The following GRM5 variants were observed in gnomAD, a reference collection of about 807,000 sequenced individuals.
GRM5 encodes the protein metabotropic glutamate receptor 5.
In GRM5, 19 loss-of-function variants were observed where a neutral mutation model predicts 83.1. That is an observed-to-expected ratio of 0.23 (90% CI 0.16 to 0.34). The LOEUF is 0.34. GRM5 is among the 10% of genes least tolerant of loss of function. The probability of loss-of-function intolerance (pLI) is 1.00; values close to 1 mark genes in which losing one functional copy is unlikely to be tolerated. For missense variants in GRM5, 1,160 were observed against 1,588.3 expected (o/e 0.73, Z 4.58); for synonymous variants, 675 against 633.6 (o/e 1.07, Z -0.98).
chr11:88,883,862 A>G (rs1344354606), intron 2 of GRM5, among the ~76,000 whole-genome samples: 2 of 152,188 alleles, frequency 1.3e-5, no homozygotes, highest in Admixed American at 1.3e-4. Context: ...GTGGGTGCAC[A>G]GAAGTCAAGA....
At chr11:89,061,493 A>T (rs1941991376) in intron 1 of GRM5, among the ~76,000 whole-genome samples, 1 of 152,232 alleles carries the variant, frequency 6.6e-6, no homozygotes. Context: ...TTTAGTCACA[A>T]AAGTGAGCAC....
intron 3 of GRM5, among the ~76,000 whole-genome samples, chr11:88,811,189 G>T (rs536846916): frequency 5.8e-4 from 88 of 152,142 alleles, no homozygotes; most frequent in South Asian, 1.0e-3. Context: ...ATTCAAATAC[G>T]TGTTTCCAGC....
At chr11:88,993,907 G>A (rs1448872802) in intron 2 of GRM5, among the ~76,000 whole-genome samples, 2 of 152,022 alleles carry the variant, frequency 1.3e-5, no homozygotes, top group East Asian at 1.9e-4. Flanking sequence ...ACTTTTTGTA[G>A]TTACCTCCAT....
At chr11:88,865,881 G>T (rs1051283032) in intron 2 of GRM5, among the ~76,000 whole-genome samples, 10 of 152,112 alleles carry the variant, frequency 6.6e-5, no homozygotes, top group Non-Finnish European at 8.8e-5. Flanking sequence ...CAGTTAGAAT[G>T]GTGATCATTA....
chr11:88,997,832 T>C (rs1279731072), intron 2 of GRM5, among the ~76,000 whole-genome samples: 1 of 152,094 alleles, frequency 6.6e-6, no homozygotes, highest in African/African-American at 2.4e-5. Flanking sequence ...AAAAAAGTCA[T>C]CTCCAGGCCA....
intron 8 of GRM5, among the ~76,000 whole-genome samples, chr11:88,541,796 T>C (rs549442052): frequency 1.1e-3 from 171 of 152,306 alleles, no homozygotes; most frequent in Admixed American, 1.7e-3. Flanking sequence ...TGGCTCTCTG[T>C]CCCCACTCAA....
intron 9 of GRM5, among the ~76,000 whole-genome samples, chr11:88,510,630 C>T (rs905269497): frequency 6.6e-6 from 1 of 152,238 alleles, no homozygotes; most frequent in Non-Finnish European, 1.5e-5. Flanking sequence ...GAATCTCCTG[C>T]CTCAGCTTCC....
At chr11:88,938,770 T>C (rs1339152588) in intron 2 of GRM5, among the ~76,000 whole-genome samples, 1 of 151,734 alleles carries the variant, frequency 6.6e-6, no homozygotes, top group Non-Finnish European at 1.5e-5. Context: ...TTTTAACGAA[T>C]ATTAAAATTG....
chr11:88,527,110 A>G (rs1408238527), intron 8 of GRM5, among the ~76,000 whole-genome samples: 3 of 152,196 alleles, frequency 2.0e-5, no homozygotes, highest in East Asian at 1.9e-4. Flanking sequence ...ATGATGCTCA[A>G]TGTTTCAATG....
At chr11:88,604,619 A>G in intron 5 of GRM5, 99 bp downstream of exon 5, 1 of 979,146 alleles carries the variant, frequency 1.0e-6, no homozygotes, top group Non-Finnish European at 1.5e-6. Flanking sequence ...ATTACCAGGA[A>G]ACCTAGATTA....
intron 9 of GRM5, among the ~76,000 whole-genome samples, chr11:88,518,232 A>G (rs1240752766): frequency 6.6e-6 from 1 of 152,028 alleles, no homozygotes; most frequent in African/African-American, 2.4e-5. Context: ...AAAAATAAGA[A>G]AAGATAATTA....
rs1183995537 is a variant in GRM5 at position 88,567,796 on chromosome 11, G to A, written c.1887C>T (p.Tyr629=). Residue 629 remains tyrosine (Y), a synonymous_variant, in exon 8 of 10, where the codon TAC becomes TAT. Transcript: ENST00000305447. This position sits in a 1 kb window ranked among gnomAD's most constrained non-coding sequence, Gnocchi z 7.3. ...TCGCAATGAGGCAGAAGGTACATAA[G>A]TAGCCCAGGCAGATGCCAGCAAGGA... ...YIILAGICLG[Y]LCTFCLIAKP... 3.1e-6 allele frequency: 5 copies of A among 1,614,014 alleles called. No homozygotes were observed. In the Admixed American group the frequency reaches 5.0e-5, roughly 16 times the overall value.
At chr11:89,042,855 C>T (rs1445677609) in intron 2 of GRM5, among the ~76,000 whole-genome samples, 1 of 146,772 alleles carries the variant, frequency 6.8e-6, no homozygotes, top group African/African-American at 2.7e-5. Flanking sequence ...AAATTGCAAT[C>T]TCTAGGTTAA....
chr11:88,591,907 C>G (rs1591368944), intron 6 of GRM5, among the ~76,000 whole-genome samples: 2 of 152,258 alleles, frequency 1.3e-5, no homozygotes, highest in Admixed American at 1.3e-4. Flanking sequence ...ATACTGTTAT[C>G]CCATTAAAAC....
intron 1 of GRM5, among the ~76,000 whole-genome samples, chr11:89,052,972 T>C (rs1425648579): frequency 1.3e-5 from 2 of 152,200 alleles, no homozygotes; most frequent in Non-Finnish European, 2.9e-5. Context: ...TTTATGTCTA[T>C]GCCTGTTGAC....
intron 1 of GRM5, among the ~76,000 whole-genome samples, chr11:89,052,555 C>A (rs1262361043): frequency 6.6e-6 from 1 of 152,128 alleles, no homozygotes; most frequent in Non-Finnish European, 1.5e-5. Context: ...ATTTCTGACA[C>A]ATTGGCTATG....
intron 6 of GRM5, among the ~76,000 whole-genome samples, chr11:88,593,292 T>C (rs1383864348): frequency 6.6e-6 from 1 of 152,188 alleles, no homozygotes; most frequent in Non-Finnish European, 1.5e-5. Context: ...GTACATTTAA[T>C]AGAGTAAAAA....
chr11:88,965,202 T>C (rs986506044), intron 2 of GRM5, among the ~76,000 whole-genome samples: 1 of 152,210 alleles, frequency 6.6e-6, no homozygotes, highest in African/African-American at 2.4e-5. Flanking sequence ...GGGTGGCTTA[T>C]AAACTTTAGA....
chr11:88,955,678 T>C (rs548339162), intron 2 of GRM5, among the ~76,000 whole-genome samples: 9 of 152,308 alleles, frequency 5.9e-5, no homozygotes, highest in Admixed American at 2.6e-4. Context: ...TTCTTTTCCA[T>C]TGTGTGTGGA....
Sources: gnomAD v4.1 joint callset for allele counts (sites outside exome capture counted in the v4.1 genomes callset) on GRCh38, gnomAD v4.1.1 for gene constraint, Gnocchi (gnomAD v3.1) non-coding constraint, MANE v1.5 for transcripts, NCBI Gene and HGNC (gene_info 2026-07-23, HGNC 2026-07-21) for gene names.